RBFOX2: variants seen among roughly 807,000 people sequenced by gnomAD.
RBFOX2 encodes the protein RNA binding fox-1 homolog 2, also known as RNA binding protein fox-1 homolog 2.
RBFOX2 carries 10 observed loss-of-function variants against 49.1 expected under a neutral mutation model. That is an observed-to-expected ratio of 0.20 (90% CI 0.13 to 0.35). The LOEUF (loss-of-function observed/expected upper bound fraction) is 0.35, where lower values mean the gene tolerates loss of function less well. Among genes scored for constraint, RBFOX2 ranks in the 10% least tolerant of loss-of-function variants. The pLI is 1.00. For missense variants in RBFOX2, 323 were observed against 486.9 expected, an observed-to-expected ratio of 0.66 and a Z score of 3.17; for synonymous variants, 183 against 187.4, an observed-to-expected ratio of 0.98 and a Z score of 0.19.
At chr22:35,768,437 T>C in intron 4 of RBFOX2, 88 bp from the exon 6 acceptor site, 1 of 1,190,128 alleles carries the variant, frequency 8.4e-7, no homozygotes, top group Middle Eastern at 2.0e-4. Context: ...AATATCATAG[T>C]ATGAAACTGA....
At chr22:36,020,874 G>A (rs1363578923) in intron 1 of RBFOX2, among the ~76,000 whole-genome samples, 1 of 152,174 alleles carries the variant, frequency 6.6e-6, no homozygotes, top group Admixed American at 6.5e-5. Flanking sequence ...AATACCATTT[G>A]ACGCAGCCAT....
intron 1 of RBFOX2, among the ~76,000 whole-genome samples, chr22:35,948,811 G>A (rs180927157): frequency 6.6e-6 from 1 of 151,942 alleles, no homozygotes; most frequent in Non-Finnish European, 1.5e-5. Flanking sequence ...TTTTAAAACT[G>A]TGGTTAAATA....
At chr22:35,814,713 A>G (rs1952637255) in intron 1 of RBFOX2, among the ~76,000 whole-genome samples, 2 of 143,700 alleles carry the variant, frequency 1.4e-5, no homozygotes, top group African/African-American at 5.1e-5. Flanking sequence ...CCTGTCTCAA[A>G]AAAAAAAAAA....
intron 1 of RBFOX2, chr22:35,822,847 G>A (rs1403344587): frequency 4.8e-6 from 2 of 418,830 alleles, no homozygotes; most frequent in Non-Finnish European, 4.6e-6. Context: ...TTTTTTGAGA[G>A]TGAGTCTCAC....
intron 1 of RBFOX2, among the ~76,000 whole-genome samples, chr22:35,915,039 C>T (rs890769852): frequency 1.3e-5 from 2 of 152,182 alleles, no homozygotes; most frequent in Admixed American, 6.5e-5. Flanking sequence ...CCCTCCTCCC[C>T]CTTTGCCATT....
intron 5 of RBFOX2, among the ~76,000 whole-genome samples, chr22:35,767,191 C>A (rs917298675): frequency 4.6e-5 from 7 of 151,834 alleles, no homozygotes; most frequent in African/African-American, 1.7e-4. Context: ...AAAATCCAGG[C>A]GGCATTACTC....
intron 1 of RBFOX2, among the ~76,000 whole-genome samples, chr22:35,893,846 G>A (rs1411041974): frequency 3.3e-5 from 5 of 151,714 alleles, no homozygotes; most frequent in Admixed American, 1.3e-4. Context: ...CAGACATCTG[G>A]GCTGAAGGGC....
chr22:35,764,873 G>A (rs541392776), intron 6 of RBFOX2, among the ~76,000 whole-genome samples: 11 of 152,140 alleles, frequency 7.2e-5, no homozygotes, highest in African/African-American at 2.7e-4. Context: ...TTCTCAATGA[G>A]AAAAACTTAT....
intron 1 of RBFOX2, among the ~76,000 whole-genome samples, chr22:35,913,862 A>T (rs1189496714): frequency 6.6e-6 from 1 of 152,106 alleles, no homozygotes; most frequent in African/African-American, 2.4e-5. Context: ...GGAATGAGGA[A>T]GGGGTGGGCA....
At chr22:36,000,616 G>A (rs2058375378) in intron 1 of RBFOX2, 1 of 152,128 alleles carries the variant, frequency 6.6e-6, no homozygotes, top group Non-Finnish European at 1.5e-5. Context: ...GAGAGACGAA[G>A]GGTGGGAAGG....
chr22:35,821,946 T>A, intron 1 of RBFOX2: 1 of 518,988 alleles, frequency 1.9e-6, no homozygotes. Context: ...ACACCTTCTT[T>A]GGATGGAAAG....
chr22:35,959,417 G>T (rs1388863720), intron 1 of RBFOX2, among the ~76,000 whole-genome samples: 1 of 152,198 alleles, frequency 6.6e-6, no homozygotes, highest in African/African-American at 2.4e-5. Flanking sequence ...CTATACACTG[G>T]TTTAGCCACA....
chr22:35,870,389 T>G (rs541626191), intron 1 of RBFOX2, among the ~76,000 whole-genome samples: 1 of 152,222 alleles, frequency 6.6e-6, no homozygotes, highest in South Asian at 2.1e-4. Context: ...GGTGAATTGC[T>G]TGAACCCAGG....
chr22:35,756,203 C>T (rs893088917), intron 9 of RBFOX2, 59 bp from the exon 11 acceptor site: 9 of 1,456,060 alleles, frequency 6.2e-6, no homozygotes, highest in South Asian at 4.1e-5. Flanking sequence ...AAACACATTC[C>T]GGTTATTGAG....
At chr22:36,000,806 T>G (rs1249126557) in intron 1 of RBFOX2, among the ~76,000 whole-genome samples, 1 of 152,172 alleles carries the variant, frequency 6.6e-6, no homozygotes, top group Non-Finnish European at 1.5e-5. Flanking sequence ...TTTGCCTGCC[T>G]CTTGACATCT....
exon 12 of RBFOX2, chr22:35,738,981 T>C (rs1390518696): frequency 6.6e-6 from 1 of 152,626 alleles, no homozygotes; most frequent in Non-Finnish European, 1.5e-5. Flanking sequence ...AAAGCTACTA[T>C]ACAATATGAT....
intron 10 of RBFOX2, among the ~76,000 whole-genome samples, 184 bp from the exon 13 acceptor site, chr22:35,746,179 T>C (rs990496482): frequency 6.6e-6 from 1 of 151,902 alleles, no homozygotes; most frequent in African/African-American, 2.4e-5. Flanking sequence ...CTGAAAAAAA[T>C]CTGAAGTACT....
intron 1 of RBFOX2, among the ~76,000 whole-genome samples, chr22:35,817,148 TAC>T (rs1398992774): frequency 6.6e-6 from 1 of 152,052 alleles, no homozygotes; most frequent in Non-Finnish European, 1.5e-5. Context: ...CTGAAGCATC[TAC>T]ACCTTTAGAA....
chr22:35,790,998 A>C (rs1020999134), intron 2 of RBFOX2, among the ~76,000 whole-genome samples: 77 of 152,044 alleles, frequency 5.1e-4, no homozygotes, highest in Non-Finnish European at 1.0e-3. Flanking sequence ...ACAAGGCAAG[A>C]CCCTGTCTCA....
Sources: gnomAD v4.1 joint callset for allele counts (sites outside exome capture counted in the v4.1 genomes callset) on GRCh38, gnomAD v4.1.1 for gene constraint, MANE v1.5 for transcripts, NCBI Gene and HGNC (gene_info 2026-07-23, HGNC 2026-07-21) for gene names.